The following ARHGAP42 variants were observed in gnomAD, a reference collection of about 807,000 sequenced individuals.
ARHGAP42 encodes Rho GTPase activating protein 42.
ARHGAP42 carries 63 observed loss-of-function variants against 125.0 expected under a neutral mutation model. The ratio of observed to expected loss-of-function variants is 0.50; its 90% CI spans 0.41 to 0.62. The LOEUF (loss-of-function observed/expected upper bound fraction) is 0.62. Ranked by LOEUF, ARHGAP42 falls within the 20% of genes least tolerant of loss-of-function variation. The pLI is 0.00. For missense variants in ARHGAP42, 766 were observed against 1,024.2 expected, an observed-to-expected ratio of 0.75 and a Z score of 3.44; for synonymous variants, 339 against 351.0, an observed-to-expected ratio of 0.97 and a Z score of 0.38.
intron 1 of ARHGAP42, among the ~76,000 whole-genome samples, chr11:100,741,989 T>G (rs1224684156): frequency 6.6e-6 from 1 of 152,180 alleles, no homozygotes; most frequent in South Asian, 2.1e-4. Flanking sequence ...AGAGGAAACC[T>G]TAGTGATCTC....
intron 3 of ARHGAP42, among the ~76,000 whole-genome samples, chr11:100,825,266 T>C (rs537881165): frequency 6.6e-6 from 1 of 152,338 alleles, no homozygotes; most frequent in African/African-American, 2.4e-5. Flanking sequence ...TGTTTATTTC[T>C]CATACTATGC....
At chr11:100,887,954 AC>A (rs1251548689) in intron 4 of ARHGAP42, among the ~76,000 whole-genome samples, 25 of 152,272 alleles carry the variant, frequency 1.6e-4, no homozygotes, top group African/African-American at 6.0e-4. Context: ...TCCCATCTCT[AC>A]CTCTATCCAA....
intron 4 of ARHGAP42, among the ~76,000 whole-genome samples, chr11:100,911,032 G>T (rs1336163872): frequency 1.3e-5 from 2 of 152,166 alleles, no homozygotes; most frequent in Non-Finnish European, 2.9e-5. Context: ...CCACAGCTGT[G>T]CACTCTCCTC....
intron 2 of ARHGAP42, among the ~76,000 whole-genome samples, chr11:100,774,307 A>T (rs965777399): frequency 6.6e-6 from 1 of 152,272 alleles, no homozygotes; most frequent in South Asian, 2.1e-4. Context: ...GTCCACCTTC[A>T]TTGGCTTCAG....
intron 2 of ARHGAP42, among the ~76,000 whole-genome samples, chr11:100,793,571 G>C (rs989721420): frequency 1.3e-5 from 2 of 152,170 alleles, no homozygotes; most frequent in African/African-American, 4.8e-5. Context: ...TCTGAAAAGA[G>C]AAAATATTTT....
rs1857750061 is a variant in ARHGAP42, at chr11:100,954,484, G to GAC, written c.1162+4528_1162+4529insAC. Among the ~76,000 whole-genome samples the GAC allele has an allele frequency of 2.0e-5, 3 of 152,196 alleles. No individual in the cohort carries two copies. In the South Asian group the frequency reaches 6.2e-4, roughly 32 times the overall value. On this transcript the variant is annotated intron_variant, in intron 12 of 23. Coordinates refer to ENST00000298815, the MANE Select transcript of ARHGAP42 (RefSeq NM_152432.4). ...TAAATTTCTGCTTGTGTGTTTAAGT[G>GAC]GCTTTCCTCAAGTGTACCCGTGTAT...
chr11:100,973,501 G>A (rs1330191200), intron 18 of ARHGAP42, among the ~76,000 whole-genome samples, 167 bp downstream of exon 18: 1 of 152,092 alleles, frequency 6.6e-6, no homozygotes, highest in Non-Finnish European at 1.5e-5. Flanking sequence ...CCTTCAGTTA[G>A]GTGGTTTTCT....
chr11:100,978,652 T>C (rs775935193), intron 21 of ARHGAP42, among the ~76,000 whole-genome samples: 1 of 152,204 alleles, frequency 6.6e-6, no homozygotes, highest in Non-Finnish European at 1.5e-5. Flanking sequence ...CACTCGTGGC[T>C]CCACAGGAGT....
At chr11:100,798,798 C>T (rs1296152848) in intron 3 of ARHGAP42, among the ~76,000 whole-genome samples, 1 of 152,120 alleles carries the variant, frequency 6.6e-6, no homozygotes, top group Non-Finnish European at 1.5e-5. Context: ...CAGGTGTGGA[C>T]TGAATCCTCT....
Position 100,687,724 on chromosome 11 carries a change from C to T in ARHGAP42, c.46C>T (p.Pro16Ser). 1 of 1,549,768 alleles carries T rather than the reference C, an allele frequency of 6.5e-7. No homozygotes were observed. The highest frequency in any genetic ancestry group is 8.7e-7 in the Non-Finnish European group (1 of 1,146,566). The change falls in exon 1 of 24, where the codon CCA (proline) becomes TCA (serine). Residue 16 changes from proline to serine, a missense_variant. Transcript: ENST00000298815. The part of the protein sequence containing the change: ...LEFSDSYLDS[P>S]DFRERLQCHE... ...GTTCAGCGATTCCTACTTGGACAGC[C>T]CAGATTTCAGGGAGCGCTTGCAGTG...
chr11:100,910,622 G>C (rs1866885262), intron 4 of ARHGAP42, among the ~76,000 whole-genome samples: 1 of 135,994 alleles, frequency 7.4e-6, no homozygotes, highest in Non-Finnish European at 1.7e-5. Flanking sequence ...ACAAGAGGTA[G>C]CTATATGGGG....
chr11:100,922,786 A>G (rs1867315752), intron 6 of ARHGAP42, among the ~76,000 whole-genome samples: 1 of 152,202 alleles, frequency 6.6e-6, no homozygotes, highest in African/African-American at 2.4e-5. Flanking sequence ...TATCAGGCCC[A>G]ACCTGGCTTC....
intron 4 of ARHGAP42, among the ~76,000 whole-genome samples, chr11:100,860,893 T>C (rs535913317): frequency 6.6e-6 from 1 of 152,174 alleles, no homozygotes; most frequent in Non-Finnish European, 1.5e-5. Flanking sequence ...ATTCAGCAAA[T>C]ATTTATCAGT....
intron 3 of ARHGAP42, among the ~76,000 whole-genome samples, chr11:100,842,748 A>G (rs1015445538): frequency 2.0e-5 from 3 of 152,112 alleles, no homozygotes; most frequent in Admixed American, 6.6e-5. Context: ...TCAAAATAGA[A>G]ATTAAAAAAT....
chr11:100,820,548 A>G (rs970886248), intron 3 of ARHGAP42, among the ~76,000 whole-genome samples: 11 of 152,156 alleles, frequency 7.2e-5, no homozygotes, highest in Admixed American at 7.2e-4. Flanking sequence ...GATGGAGAAC[A>G]TGGTTAAGTG....
intron 1 of ARHGAP42, among the ~76,000 whole-genome samples, chr11:100,759,452 A>G (rs1862653665): frequency 6.6e-6 from 1 of 152,158 alleles, no homozygotes; most frequent in African/African-American, 2.4e-5. Context: ...AGTTCTGTTT[A>G]TTGACAGCTT....
At chr11:100,847,948 G>A (rs1201862065) in intron 3 of ARHGAP42, among the ~76,000 whole-genome samples, 1 of 152,158 alleles carries the variant, frequency 6.6e-6, no homozygotes, top group African/African-American at 2.4e-5. Context: ...ACCCATGGAT[G>A]GAGTGTAGAG....
In ARHGAP42 at chr11:100,993,184, C is replaced by T. The variant is rs1253664030; in HGVS notation, c.*4383C>T. The T allele has an allele frequency of 1.8e-5, 3 of 167,802 alleles. No homozygotes were observed. The highest frequency in any genetic ancestry group is 4.8e-5 in the African/African-American group (2 of 41,414). 10.4% of individuals were successfully genotyped at this position (167,802 alleles called of 1,614,324 possible). A position where few individuals can be genotyped will look rare whatever the true frequency, so the allele number is the denominator to read the frequency against. On this transcript the variant is annotated 3_prime_UTR_variant, in exon 24 of 24. Coordinates refer to ENST00000298815, the MANE Select transcript of ARHGAP42 (RefSeq NM_152432.4). ...TCTGCCATCTTTCATGAGTGTTTCC[C>T]ATGGTGTTTTTGCATCCAGAGTTGA...
intron 3 of ARHGAP42, among the ~76,000 whole-genome samples, chr11:100,811,825 T>C (rs1350389101): frequency 6.6e-6 from 1 of 152,188 alleles, no homozygotes; most frequent in Non-Finnish European, 1.5e-5. Context: ...GATTGTCTTC[T>C]GTGACTGTAT....
Sources: gnomAD v4.1 joint callset for allele counts (sites outside exome capture counted in the v4.1 genomes callset) on GRCh38, gnomAD v4.1.1 for gene constraint, MANE v1.5 for transcripts, NCBI Gene and HGNC (gene_info 2026-07-23, HGNC 2026-07-21) for gene names.